The following KCNH1 variants were observed in gnomAD, a reference collection of about 807,000 sequenced individuals.
The protein encoded by KCNH1 is potassium voltage-gated channel subfamily H member 1, also known as voltage-gated delayed rectifier potassium channel KCNH1.
KCNH1 carries 27 observed loss-of-function variants against 69.2 expected under a neutral mutation model. That is an observed-to-expected ratio of 0.39 (90% CI 0.29 to 0.54). KCNH1 has a LOEUF of 0.54. Ranked by LOEUF, KCNH1 falls within the 20% of genes least tolerant of loss-of-function variation. The pLI, the probability that KCNH1 is intolerant of heterozygous loss-of-function variation, is 0.68. For synonymous variants in KCNH1, 456 were observed against 487.7 expected, an observed-to-expected ratio of 0.93 and a Z score of 0.86; for missense variants, 798 against 1,261.6, an observed-to-expected ratio of 0.63 and a Z score of 5.57.
chr1:210,775,209 G>C, intron 10 of KCNH1, 139 bp downstream of exon 10: 1 of 697,934 alleles, frequency 1.4e-6, no homozygotes. Context: ...AAGCCCCGCA[G>C]AGCAAACAAC....
At chr1:210,970,221 G>A (rs1688486777) in intron 6 of KCNH1, among the ~76,000 whole-genome samples, 1 of 151,870 alleles carries the variant, frequency 6.6e-6, no homozygotes, top group African/African-American at 2.4e-5. Flanking sequence ...TAGGTTTTAA[G>A]CCTTGCACAC....
chr1:210,924,336 A>G (rs1216808658), intron 6 of KCNH1, among the ~76,000 whole-genome samples: 1 of 152,256 alleles, frequency 6.6e-6, no homozygotes, highest in Non-Finnish European at 1.5e-5. Flanking sequence ...TTTCTAAACT[A>G]AATTGAAGTT....
At chr1:211,065,949 C>T (rs1690521280) in intron 5 of KCNH1, among the ~76,000 whole-genome samples, 1 of 151,986 alleles carries the variant, frequency 6.6e-6, no homozygotes, top group Non-Finnish European at 1.5e-5. Context: ...TCCCCACCTA[C>T]TTGGGAGGCT....
intron 7 of KCNH1, among the ~76,000 whole-genome samples, chr1:210,806,898 T>C (rs1356427391): frequency 1.4e-5 from 2 of 140,776 alleles, no homozygotes; most frequent in South Asian, 2.5e-4. Context: ...TCCCAGCTAT[T>C]TGGGAGGCTG....
intron 4 of KCNH1, among the ~76,000 whole-genome samples, chr1:211,089,846 C>G (rs759673832): frequency 2.0e-5 from 3 of 152,172 alleles, no homozygotes; most frequent in Non-Finnish European, 2.9e-5. Context: ...CCCCTTATCC[C>G]AAACCTCTGG....
intron 6 of KCNH1, among the ~76,000 whole-genome samples, chr1:211,015,466 C>T (rs1235755822): frequency 6.6e-6 from 1 of 152,164 alleles, no homozygotes; most frequent in African/African-American, 2.4e-5. Flanking sequence ...TCCTGTCAGG[C>T]TGTGACCTCA....
chr1:210,992,178 T>C (rs1688950138), intron 6 of KCNH1, among the ~76,000 whole-genome samples: 1 of 152,184 alleles, frequency 6.6e-6, no homozygotes, highest in African/African-American at 2.4e-5. Flanking sequence ...ACTGCCCTTA[T>C]TAAAGATGAG....
At chr1:210,929,393 G>C (rs1340381738) in intron 6 of KCNH1, among the ~76,000 whole-genome samples, 1 of 152,042 alleles carries the variant, frequency 6.6e-6, no homozygotes, top group Non-Finnish European at 1.5e-5. Flanking sequence ...CAATAAATGT[G>C]ATACACCACA....
intron 5 of KCNH1, among the ~76,000 whole-genome samples, chr1:211,032,828 A>T (rs1374728732): frequency 6.6e-6 from 1 of 152,230 alleles, no homozygotes; most frequent in African/African-American, 2.4e-5. Flanking sequence ...AACCTAGGCA[A>T]TACCATTCAG....
intron 7 of KCNH1, among the ~76,000 whole-genome samples, chr1:210,856,535 C>A (rs1466697292): frequency 6.6e-6 from 1 of 151,782 alleles, no homozygotes. Flanking sequence ...TGTCCAGCCT[C>A]TTCTTCCTCA....
intron 5 of KCNH1, among the ~76,000 whole-genome samples, chr1:211,036,391 T>C (rs574283765): frequency 9.2e-5 from 14 of 152,186 alleles, no homozygotes; most frequent in Non-Finnish European, 1.5e-4. Flanking sequence ...GTTTTAAGAC[T>C]GGGACGGTCA....
intron 9 of KCNH1, among the ~76,000 whole-genome samples, chr1:210,777,582 T>C (rs773316678): frequency 2.6e-5 from 4 of 152,206 alleles, no homozygotes; most frequent in Non-Finnish European, 5.9e-5. Flanking sequence ...GTGTACTCCC[T>C]AGTACTCAGT....
chr1:210,926,031 G>A (rs545244272), intron 6 of KCNH1, among the ~76,000 whole-genome samples: 3 of 152,262 alleles, frequency 2.0e-5, no homozygotes, highest in African/African-American at 7.2e-5. Context: ...GGCCGAGGTG[G>A]GCGGATCACC....
intron 7 of KCNH1, among the ~76,000 whole-genome samples, chr1:210,834,833 A>G (rs972632016): frequency 7.9e-5 from 12 of 152,094 alleles, no homozygotes; most frequent in African/African-American, 2.9e-4. Flanking sequence ...GGTGTCTATG[A>G]GCCAGGAAGT....
intron 7 of KCNH1, chr1:210,862,319 G>A (rs1013724440): frequency 1.3e-6 from 1 of 753,360 alleles, no homozygotes; most frequent in Non-Finnish European, 2.4e-6. Flanking sequence ...GGGCTTGAGT[G>A]CTACTGGGCC....
intron 5 of KCNH1, among the ~76,000 whole-genome samples, chr1:211,046,842 T>C (rs1418480780): frequency 1.3e-5 from 2 of 152,166 alleles, no homozygotes; most frequent in Admixed American, 6.6e-5. Flanking sequence ...ACAAAGCTAA[T>C]TAAGTGGTGA....
At chr1:210,901,708 TAAGA>T (rs1686999127) in intron 7 of KCNH1, among the ~76,000 whole-genome samples, 1 of 152,196 alleles carries the variant, frequency 6.6e-6, no homozygotes. Flanking sequence ...GTGCCACTAC[TAAGA>T]AAGTTAAGAA....
chr1:210,753,568 A>G (rs965129695), intron 10 of KCNH1, among the ~76,000 whole-genome samples: 2 of 152,164 alleles, frequency 1.3e-5, no homozygotes, highest in African/African-American at 4.8e-5. Flanking sequence ...CACTCTTTCA[A>G]TGGAGGTGCA....
At chr1:210,751,354 C>T (rs116310770) in intron 10 of KCNH1, among the ~76,000 whole-genome samples, 3,170 of 152,250 alleles carry the variant, frequency 0.021, 107 homozygotes, top group African/African-American at 0.072. Context: ...CCCATCCTCA[C>T]ACGAAGAAAG....
Sources: allele counts gnomAD v4.1 joint callset (sites outside exome capture counted in the v4.1 genomes callset), GRCh38; gene constraint gnomAD v4.1.1; transcripts MANE v1.5; gene names NCBI Gene and HGNC (gene_info 2026-07-23, HGNC 2026-07-21).